Variants in ZFHX3 observed in about 807,000 individuals in gnomAD.
ZFHX3 encodes zinc finger homeobox protein 3.
A neutral mutation model predicts 279.1 loss-of-function variants in ZFHX3; 42 were observed. That is an observed-to-expected ratio of 0.15 (90% confidence interval 0.12 to 0.19). ZFHX3 has a LOEUF of 0.19. ZFHX3 is among the 10% of genes least tolerant of loss of function. The probability of loss-of-function intolerance (pLI) is 1.00; values close to 1 mark genes in which losing one functional copy is unlikely to be tolerated. For missense variants in ZFHX3, 4,981 were observed against 4,754.0 expected (o/e 1.05, Z -1.40); for synonymous variants, 2,293 against 1,957.8 (o/e 1.17, Z -4.52).
intron 4 of ZFHX3, among the ~76,000 whole-genome samples, chr16:73,313,619 C>T (rs2015377945): frequency 6.6e-6 from 1 of 152,186 alleles, no homozygotes; most frequent in Non-Finnish European, 1.5e-5. Flanking sequence ...GCACTTCAGA[C>T]TCCATAGCGG....
chr16:73,067,863 A>C lies in ZFHX3; in HGVS notation c.-532-8851T>G, dbSNP rs539142889. Among the ~76,000 whole-genome samples the C allele has an allele frequency of 3.5e-4, 54 of 152,292 alleles. 1 individual carries two copies. The highest frequency in any genetic ancestry group is 1.3e-3 in the African/African-American group (52 of 41,552). ...CAAAGGAATAGCCAAGGGAGTCTCT[A>C]TTCCACGGACCAAGGGCCCCTCCCC... On this transcript the variant is annotated intron_variant, in intron 8 of 17. Coordinates refer to the ZFHX3 transcript ENST00000641206.
chr16:73,407,874 A>G (rs940590352), intron 3 of ZFHX3, among the ~76,000 whole-genome samples: 10 of 152,150 alleles, frequency 6.6e-5, no homozygotes, highest in Non-Finnish European at 1.3e-4. Flanking sequence ...GCCCTCTTAG[A>G]TTCTTTTTAT....
Position 73,086,526 on chromosome 16 carries a change from C to T in ZFHX3, c.-533+6709G>A, listed in dbSNP as rs1257195675. On this transcript the variant is annotated intron_variant, in intron 8 of 17. Transcript: ENST00000641206. ...ATATACACAATGGAATATTACTCAG[C>T]TACAAAAAAAGAATTAAATCCTGTC... Among the ~76,000 whole-genome samples the T allele has an allele frequency of 2.0e-5, 3 of 152,180 alleles. No individual in the cohort carries two copies. In the East Asian group the frequency reaches 5.8e-4, roughly 29 times the overall value.
At chr16:73,448,786 T>C (rs576391018) in intron 3 of ZFHX3, among the ~76,000 whole-genome samples, 101 of 152,046 alleles carry the variant, frequency 6.6e-4, no homozygotes, top group African/African-American at 2.4e-3. Flanking sequence ...TATTGCATTC[T>C]CTATTCACAG....
rs868198720 is a variant in ZFHX3, at chr16:73,849,487, A to T, written c.-1608+42164T>A. On this transcript the variant is annotated intron_variant, in intron 1 of 17. Coordinates refer to the ZFHX3 transcript ENST00000641206. ...TGTAAGTGATCGATTATACAATTTT[A>T]AAAAAGGATAACAGGGCCTGGTTTA... 3.2e-4 allele frequency among the ~76,000 whole-genome samples: 48 copies of T among 152,310 alleles called. 1 individual carries two copies. Among genetic ancestry groups the T allele is most frequent in the Admixed American group, 4.6e-4 (7 of 15,294 alleles).
At position 72,917,070 on chromosome 16, in the gene ZFHX3, C is replaced by T. The variant is rs560027490; in HGVS notation, c.3217-27108G>A. ...CCTGAACAACATGGTGAAACCCCAT[C>T]GCTACAAAAAAAACACAAAAATTAG... On this transcript the variant is annotated intron_variant, in intron 3 of 9. Transcript: ENST00000268489. Among the ~76,000 whole-genome samples, 9 of 152,126 alleles carry T rather than the reference C, an allele frequency of 5.9e-5. No individual in the cohort carries two copies. The East Asian group carries it at 1.2e-3, about 20-fold the overall frequency.
intron 1 of ZFHX3, among the ~76,000 whole-genome samples, chr16:73,710,191 A>T (rs1321781521): frequency 2.0e-5 from 3 of 152,188 alleles, no homozygotes; most frequent in East Asian, 3.9e-4. Context: ...AACAAAACAA[A>T]ACAAAACAAT....
intron 1 of ZFHX3, among the ~76,000 whole-genome samples, chr16:73,813,472 G>C (rs1223522512): frequency 6.6e-6 from 1 of 151,816 alleles, no homozygotes; most frequent in African/African-American, 2.4e-5. Flanking sequence ...TATCATTTGT[G>C]TACTTTTCTG....
chr16:73,698,623 T>C lies in ZFHX3; in HGVS notation c.-1607-18383A>G, dbSNP rs2053219090. Among the ~76,000 whole-genome samples the C allele has an allele frequency of 2.0e-5, 3 of 152,154 alleles. No homozygotes were observed. The South Asian group carries it at 6.2e-4, about 32-fold the overall frequency. On this transcript the variant is annotated intron_variant, in intron 1 of 17. Transcript: ENST00000641206. ...CAGGGTATTCCTGCCAAAATTATAT[T>C]ACCTCAATGTAATCATGGGTAAACA...
chr16:73,228,041 G>T (rs2012659425), intron 5 of ZFHX3, among the ~76,000 whole-genome samples: 1 of 152,064 alleles, frequency 6.6e-6, no homozygotes, highest in Non-Finnish European at 1.5e-5. Flanking sequence ...AAGATAAGGA[G>T]AATGAGAACC....
chr16:73,428,476 G>C (rs954028646), intron 3 of ZFHX3, among the ~76,000 whole-genome samples: 4 of 152,130 alleles, frequency 2.6e-5, no homozygotes, highest in African/African-American at 9.7e-5. Context: ...CCGACAGTGA[G>C]TTCACCTCTT....
intron 4 of ZFHX3, among the ~76,000 whole-genome samples, chr16:73,307,041 A>T (rs2015198497): frequency 6.6e-6 from 1 of 152,240 alleles, no homozygotes; most frequent in Non-Finnish European, 1.5e-5. Context: ...CATAAAATGG[A>T]GGTGATAAGA....
intron 4 of ZFHX3, among the ~76,000 whole-genome samples, chr16:73,268,418 GTC>G (rs1302910508): frequency 3.3e-5 from 5 of 152,168 alleles, no homozygotes; most frequent in African/African-American, 1.2e-4. Context: ...CCCAGCGAGA[GTC>G]ACGTCCCAGA....
At chr16:73,852,455 T>TC (rs1314753122) in intron 1 of ZFHX3, among the ~76,000 whole-genome samples, 2 of 152,244 alleles carry the variant, frequency 1.3e-5, no homozygotes, top group Admixed American at 1.3e-4. Context: ...TTTAGTGATT[T>TC]TTTAAAAAAT....
intron 5 of ZFHX3, among the ~76,000 whole-genome samples, chr16:73,210,873 C>T (rs573359988): frequency 1.3e-5 from 2 of 151,946 alleles, no homozygotes; most frequent in South Asian, 4.2e-4. Flanking sequence ...ATTTTGGTTT[C>T]CTGAGCAGGT....
intron 1 of ZFHX3, among the ~76,000 whole-genome samples, chr16:73,883,643 G>A (rs1485670302): frequency 6.6e-6 from 1 of 151,790 alleles, no homozygotes; most frequent in Non-Finnish European, 1.5e-5. Context: ...AAAACAAACA[G>A]ACATGTTTTG....
chr16:73,502,211 A>G (rs763289462), intron 2 of ZFHX3, among the ~76,000 whole-genome samples: 15 of 152,180 alleles, frequency 9.9e-5, no homozygotes, highest in Admixed American at 9.2e-4. Flanking sequence ...GGAAATGCAT[A>G]CTTTTTTTCC....
intron 1 of ZFHX3, among the ~76,000 whole-genome samples, chr16:73,046,339 T>A (rs940219392): frequency 5.9e-5 from 9 of 152,196 alleles, no homozygotes; most frequent in African/African-American, 2.2e-4. Context: ...TGCCAGTGGC[T>A]GTTCTGATAA....
At chr16:72,961,101 T>C (rs1961553625) in intron 1 of ZFHX3, among the ~76,000 whole-genome samples, 1 of 152,204 alleles carries the variant, frequency 6.6e-6, no homozygotes. Flanking sequence ...ACTCTGGATC[T>C]GCCAACACCC....
Sources: allele counts gnomAD v4.1 joint callset (sites outside exome capture counted in the v4.1 genomes callset), GRCh38; gene constraint gnomAD v4.1.1; transcripts MANE v1.5; gene names NCBI Gene and HGNC (gene_info 2026-07-23, HGNC 2026-07-21).